Variants in SLC44A1 observed in about 807,000 individuals in gnomAD.
SLC44A1 encodes the protein solute carrier family 44 member 1.
Under a neutral mutation model 79.3 loss-of-function variants are expected in SLC44A1, and 26 were observed. That is an observed-to-expected ratio of 0.33 (90% CI 0.24 to 0.46). SLC44A1 has a LOEUF of 0.46. Among genes scored for constraint, SLC44A1 ranks in the 20% least tolerant of loss-of-function variants. SLC44A1 has a pLI of 1.00. For missense variants in SLC44A1, 688 were observed against 798.1 expected (o/e 0.86, Z 1.66); for synonymous variants, 263 against 286.2 (o/e 0.92, Z 0.82).
In SLC44A1 at chr9:105,356,275, A is replaced by C; in HGVS notation, c.564A>C (p.Ala188=). ...ACATTTCCTGCTATGCCAAGTTTGCAGAGGCCCTGATCACCTTTGTCAGTG... is the reference window on the plus strand; with the variant it reads ...ACATTTCCTGCTATGCCAAGTTTGCCGAGGCCCTGATCACCTTTGTCAGTG... ...PVNISCYAKF[A]EALITFVSDN... Residue 188 remains alanine (A), a synonymous_variant, in exon 6 of 16, where the codon GCA becomes GCC. Coordinates refer to ENST00000374720, the MANE Select transcript of SLC44A1 (RefSeq NM_080546.5). 6.2e-7 allele frequency: 1 copy of C among 1,613,474 alleles called. No individual in the cohort carries two copies. The highest frequency in any genetic ancestry group is 8.5e-7 in the Non-Finnish European group (1 of 1,179,516).
intron 1 of SLC44A1, among the ~76,000 whole-genome samples, chr9:105,274,505 C>T (rs1830155198): frequency 6.6e-6 from 1 of 152,210 alleles, no homozygotes; most frequent in African/African-American, 2.4e-5. Flanking sequence ...CTTCAGTCCA[C>T]ACTGACCACC....
At chr9:105,353,557 CT>C (rs1380516695) in intron 5 of SLC44A1, among the ~76,000 whole-genome samples, 3 of 152,172 alleles carry the variant, frequency 2.0e-5, no homozygotes, top group African/African-American at 7.2e-5. Context: ...TACTCCTACT[CT>C]TTCAGCTAAC....
In SLC44A1 at chr9:105,396,379, A is replaced by G. The variant is rs1828874929; in HGVS notation, c.*7323A>G. 5 of 985,352 alleles carry G rather than the reference A, an allele frequency of 5.1e-6. No individual in the cohort carries two copies. Among genetic ancestry groups the G allele is most frequent in the Non-Finnish European group, 6.0e-6 (5 of 829,944 alleles). 61.0% of individuals were successfully genotyped at this position (985,352 alleles called of 1,614,324 possible). A position where few individuals can be genotyped will look rare whatever the true frequency, so the allele number is the denominator to read the frequency against. On this transcript the variant is annotated 3_prime_UTR_variant, in exon 16 of 16. Transcript: ENST00000374720. ...AGTGTGAAGGGCATCAAGCAAAATG[A>G]CAGGGGCTTCAAAAAACAACCAAAG...
At chr9:105,425,943 G>A (rs1020918244) in intron 15 of SLC44A1, among the ~76,000 whole-genome samples, 9 of 152,326 alleles carry the variant, frequency 5.9e-5, no homozygotes, top group Non-Finnish European at 1.2e-4. Flanking sequence ...AAGCTGGAGA[G>A]CTTCCACGCC....
At chr9:105,269,517 T>C (rs1428872154) in intron 1 of SLC44A1, among the ~76,000 whole-genome samples, 1 of 152,204 alleles carries the variant, frequency 6.6e-6, no homozygotes, top group Non-Finnish European at 1.5e-5. Flanking sequence ...AGGACAAGAC[T>C]TTAGCCAGGA....
At chr9:105,261,818 C>T (rs1004905653) in intron 1 of SLC44A1, among the ~76,000 whole-genome samples, 5 of 127,430 alleles carry the variant, frequency 3.9e-5, no homozygotes, top group African/African-American at 1.2e-4. Context: ...CTCACTTTGT[C>T]GCTCAGGCTG....
At chr9:105,274,891 T>C (rs1034266867) in intron 1 of SLC44A1, among the ~76,000 whole-genome samples, 12 of 152,214 alleles carry the variant, frequency 7.9e-5, no homozygotes, top group African/African-American at 2.7e-4. Context: ...AGTTATCTCA[T>C]CCATTCCAAT....
intron 3 of SLC44A1, among the ~76,000 whole-genome samples, chr9:105,326,928 A>C (rs151292479): frequency 6.8e-4 from 104 of 152,346 alleles, no homozygotes; most frequent in African/African-American, 2.3e-3. Context: ...TTGGAACGTC[A>C]TCCTTGTCCT....
chr9:105,413,351 A>C (rs887394654), intron 15 of SLC44A1, among the ~76,000 whole-genome samples: 2 of 152,200 alleles, frequency 1.3e-5, no homozygotes, highest in African/African-American at 2.4e-5. Flanking sequence ...GCCCAATGAG[A>C]TATAAGCTGA....
At chr9:105,364,034 A>T (rs1484885991) in intron 9 of SLC44A1, among the ~76,000 whole-genome samples, 1 of 152,202 alleles carries the variant, frequency 6.6e-6, no homozygotes, top group Non-Finnish European at 1.5e-5. Context: ...CTGATGATAT[A>T]GTTCATAGTT....
downstream of SLC44A1, among the ~76,000 whole-genome samples, chr9:105,400,835 A>G (rs1343744530): frequency 6.6e-6 from 1 of 152,218 alleles, no homozygotes; most frequent in Non-Finnish European, 1.5e-5. Context: ...AACCTTTGCA[A>G]GGTATTCAAC....
At chr9:105,413,606 G>T (rs929266006) in intron 15 of SLC44A1, among the ~76,000 whole-genome samples, 1 of 152,212 alleles carries the variant, frequency 6.6e-6, no homozygotes, top group Non-Finnish European at 1.5e-5. Flanking sequence ...TGTCTTCTGG[G>T]CTTACTGTTA....
intron 3 of SLC44A1, among the ~76,000 whole-genome samples, chr9:105,314,404 A>T (rs1235740261): frequency 6.6e-6 from 1 of 152,216 alleles, no homozygotes; most frequent in Non-Finnish European, 1.5e-5. Context: ...CATAAGTATT[A>T]AGTCATTATT....
intron 1 of SLC44A1, among the ~76,000 whole-genome samples, chr9:105,280,460 G>T (rs1476232840): frequency 6.6e-6 from 1 of 152,174 alleles, no homozygotes; most frequent in East Asian, 1.9e-4. Flanking sequence ...TTGACCAAAA[G>T]TTAATGGAAG....
In SLC44A1 at chr9:105,394,523, T is replaced by A. The variant is rs868765802; in HGVS notation, c.*5467T>A. 5 of 962,490 alleles carry A rather than the reference T, an allele frequency of 5.2e-6. No homozygotes were observed. The African/African-American group carries it at 9.6e-5, about 18-fold the overall frequency. 59.6% of individuals were successfully genotyped at this position (962,490 alleles called of 1,614,324 possible). ...TTGCAGTGAGCCAAAAAAAAAAAAATATCCAAGAAGAAATAAATAGGGAAT... is the reference window on the plus strand; with the variant it reads ...TTGCAGTGAGCCAAAAAAAAAAAAAAATCCAAGAAGAAATAAATAGGGAAT... On this transcript the variant is annotated 3_prime_UTR_variant, in exon 16 of 16. Coordinates refer to ENST00000374720, the MANE Select transcript of SLC44A1 (RefSeq NM_080546.5).
chr9:105,259,191 G>A (rs1226922214), intron 1 of SLC44A1, among the ~76,000 whole-genome samples: 1 of 152,168 alleles, frequency 6.6e-6, no homozygotes, highest in African/African-American at 2.4e-5. Flanking sequence ...TAAGAACTAA[G>A]TCTGAACAAG....
At chr9:105,431,308 C>A (rs1829390776) in intron 15 of SLC44A1, among the ~76,000 whole-genome samples, 1 of 152,154 alleles carries the variant, frequency 6.6e-6, no homozygotes, top group Admixed American at 6.5e-5. Context: ...TGTGGATATC[C>A]AGTTGTCCCA....
Position 105,392,476 on chromosome 9 carries a change from C to T in SLC44A1, c.*3420C>T, listed in dbSNP as rs1828788285. 2.1e-6 allele frequency: 2 copies of T among 966,334 alleles called. No homozygotes were observed. Among genetic ancestry groups the T allele is most frequent in the African/African-American group, 3.9e-5 (2 of 51,532 alleles). The allele number at this position is 966,334 out of a possible 1,614,324, so 59.9% of individuals were successfully genotyped here. ...TGATTGTAAGTTATTTCCAATACCA[C>T]TGATCTTGGTATCTGCCAAGGGCTT... is the stretch of plus-strand genomic sequence containing the variant. On this transcript the variant is annotated 3_prime_UTR_variant, in exon 16 of 16. Transcript: ENST00000374720.
chr9:105,438,443 C>T (rs985098189), exon 16 of SLC44A1: 3 of 644,862 alleles, frequency 4.7e-6, no homozygotes, highest in African/African-American at 3.6e-5. Flanking sequence ...AAACCACCAA[C>T]AGCCAAGTGG....
Sources: gnomAD v4.1 joint callset for allele counts (sites outside exome capture counted in the v4.1 genomes callset) on GRCh38, gnomAD v4.1.1 for gene constraint, MANE v1.5 for transcripts, NCBI Gene and HGNC (gene_info 2026-07-23, HGNC 2026-07-21) for gene names.